Variants in TOGARAM2 observed in about 807,000 individuals in gnomAD.
TOGARAM2 encodes the protein TOG array regulator of axonemal microtubules 2, also known as TOG array regulator of axonemal microtubules protein 2.
A neutral mutation model predicts 93.3 loss-of-function variants in TOGARAM2; 85 were observed. The observed-to-expected ratio is 0.91, with a 90% CI of 0.76 to 1.09. TOGARAM2 has a LOEUF of 1.09. Among genes scored for constraint, TOGARAM2 ranks in the 50% least tolerant of loss-of-function variants. TOGARAM2 has a pLI of 0.00. For missense variants in TOGARAM2, 1,277 were observed against 1,334.5 expected (o/e 0.96, Z 0.67); for synonymous variants, 593 against 552.8 (o/e 1.07, Z -1.02).
intron 1 of TOGARAM2, among the ~76,000 whole-genome samples, chr2:28,983,173 T>C (rs1672287562): frequency 1.7e-5 from 1 of 57,554 alleles, no homozygotes; most frequent in South Asian, 5.7e-4. Context: ...TGTGTGTATA[T>C]ATAAATATAT....
At chr2:28,972,681 C>T (rs901026843) in intron 1 of TOGARAM2, among the ~76,000 whole-genome samples, 16 of 152,178 alleles carry the variant, frequency 1.1e-4, no homozygotes, top group African/African-American at 3.6e-4. Context: ...GCAAGTCTGG[C>T]CAAAGGCATG....
intron 1 of TOGARAM2, among the ~76,000 whole-genome samples, chr2:28,959,886 A>C (rs1184930310): frequency 6.6e-6 from 1 of 152,266 alleles, no homozygotes; most frequent in Admixed American, 6.5e-5. Flanking sequence ...CATTGTGAGA[A>C]TCAAAGAGTG....
At chr2:29,042,202 G>A (rs1666475815) in intron 18 of TOGARAM2, among the ~76,000 whole-genome samples, 2 of 152,216 alleles carry the variant, frequency 1.3e-5, no homozygotes, top group Admixed American at 6.5e-5. Flanking sequence ...AGTGGCCAGC[G>A]GAAAGACAGG....
intron 4 of TOGARAM2, 44 bp from the exon 5 acceptor site, chr2:29,002,492 G>C: frequency 1.3e-6 from 2 of 1,571,630 alleles, no homozygotes; most frequent in Non-Finnish European, 1.7e-6. Flanking sequence ...TCCACTCCCT[G>C]TTCTTCTGGG....
In TOGARAM2 at chr2:28,998,069, G is replaced by T. The variant is rs960125050; in HGVS notation, c.29-74G>T. 18 of 1,041,206 alleles carry T rather than the reference G, an allele frequency of 1.7e-5. No individual in the cohort carries two copies. The African/African-American group carries it at 1.9e-4, about 11-fold the overall frequency. 64.5% of individuals were successfully genotyped at this position (1,041,206 alleles called of 1,614,324 possible). On this transcript the variant is annotated intron_variant, in intron 2 of 19. Transcript: ENST00000379558. ...GGTGGAGTGCTCAGGGTTACGGCCG[G>T]GTGTTCTTGGTTTGCTCCCAGTCTT...
intron 6 of TOGARAM2, among the ~76,000 whole-genome samples, 179 bp from the exon 7 acceptor site, chr2:29,011,276 G>A (rs1664229101): frequency 6.6e-6 from 1 of 152,198 alleles, no homozygotes; most frequent in African/African-American, 2.4e-5. Context: ...TGTTTGCAGA[G>A]GGAGCTGTAT....
intron 1 of TOGARAM2, among the ~76,000 whole-genome samples, chr2:28,986,593 G>A (rs1293854218): frequency 1.3e-5 from 2 of 152,052 alleles, no homozygotes; most frequent in African/African-American, 2.4e-5. Flanking sequence ...TAAGTGTCCC[G>A]CCCCAGCCTG....
chr2:28,959,094 C>T (rs1671764427), intron 1 of TOGARAM2, among the ~76,000 whole-genome samples: 1 of 152,162 alleles, frequency 6.6e-6, no homozygotes, highest in Non-Finnish European at 1.5e-5. Context: ...GCTGCACCTC[C>T]AGTTTCCCTG....
intron 1 of TOGARAM2, among the ~76,000 whole-genome samples, chr2:28,971,302 C>T (rs372520459): frequency 6.6e-6 from 1 of 152,036 alleles, no homozygotes; most frequent in Admixed American, 6.6e-5. Flanking sequence ...GCCTCAACCT[C>T]CCAGGCTCAA....
At chr2:28,983,832 C>T (rs1672340469) in intron 1 of TOGARAM2, among the ~76,000 whole-genome samples, 1 of 152,134 alleles carries the variant, frequency 6.6e-6, no homozygotes, top group African/African-American at 2.4e-5. Flanking sequence ...CATTGCCGCC[C>T]ATCTCAATTT....
At chr2:29,037,741 C>T (rs890800097) in intron 18 of TOGARAM2, among the ~76,000 whole-genome samples, 3 of 152,242 alleles carry the variant, frequency 2.0e-5, no homozygotes, top group African/African-American at 7.2e-5. Context: ...TCAATTTCCA[C>T]TCTTCATCTC....
intron 1 of TOGARAM2, among the ~76,000 whole-genome samples, chr2:28,970,537 G>T (rs1435668052): frequency 2.6e-5 from 4 of 152,134 alleles, no homozygotes; most frequent in Admixed American, 2.0e-4. Context: ...ATTTTCTTTG[G>T]GTATTCTAGG....
At chr2:28,990,475 C>T (rs898809935) in intron 1 of TOGARAM2, among the ~76,000 whole-genome samples, 4 of 152,224 alleles carry the variant, frequency 2.6e-5, no homozygotes, top group African/African-American at 9.6e-5. Flanking sequence ...CATCCCGCTC[C>T]CCGGGCCTGG....
chr2:28,960,226 A>G (rs1431291540), intron 1 of TOGARAM2, among the ~76,000 whole-genome samples: 2 of 152,214 alleles, frequency 1.3e-5, no homozygotes, highest in Non-Finnish European at 2.9e-5. Flanking sequence ...AGTAAACTGA[A>G]GGCATCATCA....
intron 18 of TOGARAM2, among the ~76,000 whole-genome samples, chr2:29,044,786 G>T (rs1368593279): frequency 6.6e-6 from 1 of 152,026 alleles, no homozygotes; most frequent in African/African-American, 2.4e-5. Flanking sequence ...ATCTTGGTGG[G>T]TAGAGCACAA....
At chr2:29,005,507 T>TTTTG (rs1553338984) in intron 6 of TOGARAM2, among the ~76,000 whole-genome samples, 7 of 136,890 alleles carry the variant, frequency 5.1e-5, no homozygotes, top group Non-Finnish European at 9.3e-5. Flanking sequence ...GTGCATGTGT[T>TTTTG]TGTGTAACTA....
intron 6 of TOGARAM2, among the ~76,000 whole-genome samples, chr2:29,004,197 G>C (rs972267927): frequency 2.0e-5 from 3 of 152,166 alleles, no homozygotes; most frequent in African/African-American, 7.2e-5. Context: ...GGCCAGGCTG[G>C]TCTTGAAACT....
At chr2:29,027,086 C>A in intron 14 of TOGARAM2, 75 bp downstream of exon 14, 1 of 1,394,940 alleles carries the variant, frequency 7.2e-7, no homozygotes, top group African/African-American at 1.5e-5. Context: ...GGGCACACAG[C>A]TTCAGCTTCC....
At chr2:29,027,695 C>T (rs1001587379) in intron 14 of TOGARAM2, among the ~76,000 whole-genome samples, 15 of 151,944 alleles carry the variant, frequency 9.9e-5, no homozygotes, top group Admixed American at 9.8e-4. Context: ...GAGGTAAAGG[C>T]TGCAATGCAA....
Sources: allele counts gnomAD v4.1 joint callset (sites outside exome capture counted in the v4.1 genomes callset), GRCh38; gene constraint gnomAD v4.1.1; transcripts MANE v1.5; gene names NCBI Gene and HGNC (gene_info 2026-07-23, HGNC 2026-07-21).